Variants in DISC1 observed in about 807,000 individuals in gnomAD.
DISC1 encodes the protein DISC1 scaffold protein.
DISC1 carries 57 observed loss-of-function variants against 84.5 expected under a neutral mutation model. That is an observed-to-expected ratio of 0.67 (90% confidence interval 0.55 to 0.84). The LOEUF is 0.84. Among genes scored for constraint, DISC1 ranks in the 40% least tolerant of loss-of-function variants. DISC1 has a pLI of 0.00. For missense variants in DISC1, 1,000 were observed against 1,057.8 expected, an observed-to-expected ratio of 0.95 and a Z score of 0.76; for synonymous variants, 411 against 415.2, an observed-to-expected ratio of 0.99 and a Z score of 0.12.
Position 231,663,407 on chromosome 1 carries a change from C to G in DISC1, c.68-30419C>G, listed in dbSNP as rs200954654. Among the ~76,000 whole-genome samples the G allele has an allele frequency of 5.6e-4, 86 of 152,320 alleles. 1 individual carries two copies. Among genetic ancestry groups the G allele is most frequent in the Admixed American group, 2.6e-3 (40 of 15,294 alleles). On this transcript the variant is annotated intron_variant, in intron 1 of 12. Coordinates refer to ENST00000439617, the MANE Select transcript of DISC1 (RefSeq NM_018662.3). ...GTATGTGGGCTAGTCCAGCCTCTCT[C>G]ATGATTTCCACATCACTTTGATGTG...
chr1:231,707,754 C>G (rs950079982), intron 3 of DISC1, among the ~76,000 whole-genome samples: 2 of 152,138 alleles, frequency 1.3e-5, no homozygotes, highest in African/African-American at 4.8e-5. Context: ...TGCTCTGGTG[C>G]CAATCATAAC....
At chr1:231,916,505 A>G (rs970613212) in intron 9 of DISC1, among the ~76,000 whole-genome samples, 1 of 151,634 alleles carries the variant, frequency 6.6e-6, no homozygotes, top group South Asian at 2.1e-4. Context: ...ATACAAAAAA[A>G]TTAGCCGGGC....
In DISC1 at chr1:232,031,557, T is replaced by C. The variant is rs1003978961; in HGVS notation, c.2425+5005T>C. On this transcript the variant is annotated intron_variant, in intron 12 of 12. Coordinates refer to ENST00000439617, the MANE Select transcript of DISC1 (RefSeq NM_018662.3). The surrounding 1 kb of genome is among the most constrained non-coding windows in gnomAD (Gnocchi z 4.6). ...AAGAAAGAAAACCCAGAGCCTAAGA[T>C]GACAGTATCTAAAGCTTTGTGTGTG... Among the ~76,000 whole-genome samples the C allele has an allele frequency of 8.5e-5, 13 of 152,232 alleles. No individual in the cohort carries two copies. Among genetic ancestry groups the C allele is most frequent in the South Asian group, 6.2e-4 (3 of 4,820 alleles).
Position 231,749,942 on chromosome 1 carries a change from A to G in DISC1, c.1134A>G (p.Gln378=). 6.2e-7 allele frequency: 1 copy of G among 1,614,206 alleles called. No homozygotes were observed. The highest frequency in any genetic ancestry group is 1.3e-5 in the African/African-American group (1 of 75,052). ...DDYDKAETLQ[Q]RLEDLEQEKI... ...GGTTTCCAGCTGAGACGTTACAACA[A>G]AGATTAGAAGACCTGGAACAAGAGA... The change falls in exon 4 of 13, where the codon CAA becomes CAG. Residue 378 remains glutamine (Q), a synonymous_variant. Transcript: ENST00000439617.
intron 9 of DISC1, among the ~76,000 whole-genome samples, chr1:231,902,064 T>C (rs2088224270): frequency 6.6e-6 from 1 of 151,908 alleles, no homozygotes; most frequent in Non-Finnish European, 1.5e-5. Flanking sequence ...TTATTATACA[T>C]ATTAGGTCTT....
chr1:231,920,712 G>A (rs570336882), intron 9 of DISC1, among the ~76,000 whole-genome samples: 24 of 152,258 alleles, frequency 1.6e-4, no homozygotes, highest in Middle Eastern at 3.4e-3. Context: ...TATTGTGAAC[G>A]ATGCTGCTAT....
At chr1:231,787,645 C>T (rs898586057) in intron 6 of DISC1, among the ~76,000 whole-genome samples, 2 of 152,240 alleles carry the variant, frequency 1.3e-5, no homozygotes, top group Non-Finnish European at 2.9e-5. Flanking sequence ...CTGGAGGACA[C>T]ATTGACATTA....
At chr1:231,982,648 C>A (rs1663777855) in intron 10 of DISC1, among the ~76,000 whole-genome samples, 1 of 152,180 alleles carries the variant, frequency 6.6e-6, no homozygotes, top group Non-Finnish European at 1.5e-5. Flanking sequence ...GACAGTACTA[C>A]TTTAGACTGG....
intron 9 of DISC1, among the ~76,000 whole-genome samples, chr1:231,864,779 A>T (rs1262952917): frequency 6.6e-6 from 1 of 152,246 alleles, no homozygotes; most frequent in African/African-American, 2.4e-5. Context: ...AGGCTTCCTT[A>T]TACAAAAATT....
At chr1:231,709,971 G>A (rs1240987625) in intron 3 of DISC1, among the ~76,000 whole-genome samples, 3 of 152,136 alleles carry the variant, frequency 2.0e-5, no homozygotes, top group African/African-American at 7.2e-5. Flanking sequence ...GTGGCTAGGA[G>A]GCTGCCTGGG....
At chr1:231,877,156 A>T (rs1356864649) in intron 9 of DISC1, among the ~76,000 whole-genome samples, 1 of 152,282 alleles carries the variant, frequency 6.6e-6, no homozygotes, top group East Asian at 1.9e-4. Flanking sequence ...CCCATTTCTT[A>T]TCAAGAGCTC....
intron 9 of DISC1, among the ~76,000 whole-genome samples, chr1:231,877,872 CTT>C (rs1228247474): frequency 6.6e-6 from 1 of 152,098 alleles, no homozygotes; most frequent in African/African-American, 2.4e-5. Context: ...TAAAAAATGA[CTT>C]AATAGCTAAA....
At chr1:231,701,864 G>T in intron 2 of DISC1, 91 bp from the exon 3 acceptor site, 5 of 1,088,254 alleles carry the variant, frequency 4.6e-6, no homozygotes, top group East Asian at 2.7e-5. Context: ...GTTCAGTTTT[G>T]AAACAGTTTC....
intron 10 of DISC1, among the ~76,000 whole-genome samples, chr1:231,987,509 T>C (rs1664620137): frequency 6.6e-6 from 1 of 152,266 alleles, no homozygotes; most frequent in African/African-American, 2.4e-5. Flanking sequence ...AAATTCTCTA[T>C]GAACAAAATG....
chr1:231,851,043 C>T (rs1333213104), intron 9 of DISC1, among the ~76,000 whole-genome samples: 2 of 152,260 alleles, frequency 1.3e-5, no homozygotes, highest in South Asian at 2.1e-4. Context: ...CTGGAGAGGT[C>T]GGTATGCCCT....
chr1:232,007,870 T>C (rs1667648462), intron 10 of DISC1, among the ~76,000 whole-genome samples: 1 of 152,156 alleles, frequency 6.6e-6, no homozygotes, highest in Non-Finnish European at 1.5e-5. Context: ...AGACCAGGTG[T>C]AGGTAATTGA....
intron 6 of DISC1, among the ~76,000 whole-genome samples, chr1:231,781,160 T>TAAA (rs56779223): frequency 1.7e-5 from 2 of 117,908 alleles, no homozygotes; most frequent in African/African-American, 6.4e-5. Context: ...AAAGTATAAT[T>TAAA]AAAAAAAAAA....
At chr1:231,820,175 T>A (rs2081385842) in intron 9 of DISC1, among the ~76,000 whole-genome samples, 2 of 152,214 alleles carry the variant, frequency 1.3e-5, no homozygotes, top group African/African-American at 2.4e-5. Context: ...TAATTTTTTT[T>A]AACCAATTTG....
intron 10 of DISC1, among the ~76,000 whole-genome samples, chr1:232,003,418 T>C (rs1666958756): frequency 6.6e-6 from 1 of 152,148 alleles, no homozygotes; most frequent in South Asian, 2.1e-4. Flanking sequence ...TTAGAAAATT[T>C]AATGATTGGA....
Sources: allele counts gnomAD v4.1 joint callset (sites outside exome capture counted in the v4.1 genomes callset), GRCh38; gene constraint gnomAD v4.1.1; non-coding constraint Gnocchi (gnomAD v3.1); transcripts MANE v1.5; gene names NCBI Gene and HGNC (gene_info 2026-07-23, HGNC 2026-07-21).